Variants in SYCP3 observed in about 807,000 individuals in gnomAD.
SYCP3 encodes the protein synaptonemal complex protein 3.
SYCP3 carries 29 observed loss-of-function variants against 38.5 expected under a neutral mutation model. The ratio of observed to expected loss-of-function variants is 0.75; its 90% CI spans 0.56 to 1.03. The LOEUF is 1.03. Among genes scored for constraint, SYCP3 ranks in the 50% least tolerant of loss-of-function variants. The probability of loss-of-function intolerance (pLI) is 0.00; values close to 1 mark genes in which losing one functional copy is unlikely to be tolerated. For missense variants in SYCP3, 242 were observed against 270.7 expected, an observed-to-expected ratio of 0.89 and a Z score of 0.74; for synonymous variants, 79 against 80.3, an observed-to-expected ratio of 0.98 and a Z score of 0.08.
chr12:101,737,928 G>C lies in SYCP3; in HGVS notation c.8C>G (p.Ser3Cys). ...TTTCCTGGAATACTTTTTTCCGGAG[G>C]ACACCATATTTAGATGCTTCCTGAC... MV[S>C]SGKKYSRKSG... Residue 3 changes from serine (S) to cysteine (C), a missense_variant, in exon 2 of 9, where the codon TCC (serine) becomes TGC (cysteine). Coordinates refer to ENST00000392924, the MANE Select transcript of SYCP3 (RefSeq NM_001177949.2). The C allele has an allele frequency of 6.2e-7, 1 of 1,614,050 alleles. No individual in the cohort carries two copies. Among genetic ancestry groups the C allele is most frequent in the Non-Finnish European group, 8.5e-7 (1 of 1,179,988 alleles).
At chr12:101,730,602 T>C in intron 7 of SYCP3, 1 of 340,052 alleles carries the variant, frequency 2.9e-6, no homozygotes, top group Non-Finnish European at 5.6e-6. Flanking sequence ...CAAGTGATCC[T>C]CCCACCTCAG....
At chr12:101,737,740 T>A in intron 2 of SYCP3, 63 bp downstream of exon 2, 2 of 1,609,906 alleles carry the variant, frequency 1.2e-6, no homozygotes, top group Non-Finnish European at 1.7e-6. Flanking sequence ...TGTACGATAG[T>A]CTCAATGGGT....
intron 7 of SYCP3, chr12:101,730,638 TGAG>T: frequency 2.2e-5 from 7 of 313,316 alleles, no homozygotes; most frequent in Non-Finnish European, 3.7e-5. Context: ...GGACTACAGG[TGAG>T]TGCCACCATG....
At chr12:101,733,352 A>T (rs1429786462) in intron 6 of SYCP3, 2 of 506,178 alleles carry the variant, frequency 4.0e-6, no homozygotes, top group Non-Finnish European at 7.1e-6. Flanking sequence ...GTACTTTGAC[A>T]AATTTCTGTC....
intron 2 of SYCP3, 108 bp from the exon 3 acceptor site, chr12:101,737,406 A>G: frequency 1.9e-6 from 2 of 1,060,992 alleles, no homozygotes; most frequent in Non-Finnish European, 2.8e-6. Flanking sequence ...GCTTTTTGCC[A>G]ACATACAGTT....
chr12:101,732,022 C>T (rs1471704505), intron 6 of SYCP3: 1 of 212,630 alleles, frequency 4.7e-6, no homozygotes, highest in Non-Finnish European at 9.4e-6. Flanking sequence ...CTTACATACT[C>T]CCACCCTAGA....
At chr12:101,737,187 T>G in intron 3 of SYCP3, 45 bp downstream of exon 3, 1 of 1,606,596 alleles carries the variant, frequency 6.2e-7, no homozygotes. Context: ...CAACTTTTCT[T>G]GAAGTGCTTT....
At chr12:101,732,087 T>C (rs1952213929) in intron 6 of SYCP3, 1 of 160,582 alleles carries the variant, frequency 6.2e-6, no homozygotes, top group African/African-American at 2.4e-5. Flanking sequence ...TGGTAAACTT[T>C]CTAAGAGATA....
rs566435135 is a variant in SYCP3 at position 101,737,891 on chromosome 12, C to T, written c.45G>A (p.Pro15=). 4 of 1,614,022 alleles carry T rather than the reference C, an allele frequency of 2.5e-6. No homozygotes were observed. Among genetic ancestry groups the T allele is most frequent in the East Asian group, 4.5e-5 (2 of 44,890 alleles). ...CTCTCGTAAACTGATCTTCCACAGA[C>T]GGCTTCCCAGATTTCCTGGAATACT... ...GKKYSRKSGK[P]SVEDQFTRAY... Residue 15 remains proline (P), a synonymous_variant, in exon 2 of 9, where the codon CCG becomes CCA. Coordinates refer to ENST00000392924, the MANE Select transcript of SYCP3 (RefSeq NM_001177949.2).
intron 4 of SYCP3, among the ~76,000 whole-genome samples, chr12:101,736,806 C>A (rs1952465312): frequency 6.6e-6 from 1 of 151,388 alleles, no homozygotes; most frequent in Non-Finnish European, 1.5e-5. Flanking sequence ...TTCTAAAATT[C>A]CATAGTCCAT....
At chr12:101,735,871 A>ATTTTTTTTTTTTTTT (rs201568592) in intron 4 of SYCP3, among the ~76,000 whole-genome samples, 18 of 74,636 alleles carry the variant, frequency 2.4e-4, no homozygotes, top group East Asian at 3.8e-4. Context: ...ATATATATAT[A>ATTTTTTTTTTTTTTT]TTTTTTTTTT....
At chr12:101,735,871 A>ATATATATATATAGATATATATATAT in intron 4 of SYCP3, among the ~76,000 whole-genome samples, 1 of 74,790 alleles carries the variant, frequency 1.3e-5, no homozygotes, top group Non-Finnish European at 2.5e-5. Flanking sequence ...ATATATATAT[A>ATATATATATATAGATATATATATAT]TTTTTTTTTT....
At position 101,737,915 on chromosome 12, in the gene SYCP3, C is replaced by T. The variant is rs1162761812; in HGVS notation, c.21G>A (p.Lys7=). 4 of 1,614,114 alleles carry T rather than the reference C, an allele frequency of 2.5e-6. No individual in the cohort carries two copies. The highest frequency in any genetic ancestry group is 3.4e-6 in the Non-Finnish European group (4 of 1,180,004). MVSSGK[K]YSRKSGKPSV... ...ACGGCTTCCCAGATTTCCTGGAATA[C>T]TTTTTTCCGGAGGACACCATATTTA... The change falls in exon 2 of 9, where the codon AAG becomes AAA. Residue 7 remains lysine, a synonymous_variant. Coordinates refer to ENST00000392924, the MANE Select transcript of SYCP3 (RefSeq NM_001177949.2).
At position 101,737,950 on chromosome 12, in the gene SYCP3, T is replaced by C; in HGVS notation, c.-15A>G. 6.2e-7 allele frequency: 1 copy of C among 1,614,102 alleles called. No homozygotes were observed. The highest frequency in any genetic ancestry group is 2.2e-5 in the East Asian group (1 of 44,878). ...GAGGACACCATATTTAGATGCTTCC[T>C]GACTTTAAAAAACAAATTTCTTTAA... On this transcript the variant is annotated splice_region_variant and 5_prime_UTR_variant, in exon 2 of 9. Transcript: ENST00000392924.
rs568504900 is a variant in SYCP3 at position 101,729,827 on chromosome 12, T to C, written c.553-614A>G. Among the ~76,000 whole-genome samples the C allele has an allele frequency of 3.9e-5, 6 of 152,296 alleles. No homozygotes were observed. In the South Asian group the frequency reaches 1.0e-3, roughly 26 times the overall value. On this transcript the variant is annotated intron_variant, in intron 7 of 8. Coordinates refer to ENST00000392924, the MANE Select transcript of SYCP3 (RefSeq NM_001177949.2). ...ATGGAAGCACAACTTGCTGTGGTGATATAGTGGAAAATGGGGATTAATTCC... is the reference window on the plus strand; with the variant it reads ...ATGGAAGCACAACTTGCTGTGGTGACATAGTGGAAAATGGGGATTAATTCC...
Position 101,728,818 on chromosome 12 carries a change from G to A in SYCP3, c.*109C>T, listed in dbSNP as rs1594156057. ...AGGTCTTACAATGAAACAGGTTTAT[G>A]ATTAAAGATGTTACAATTAAACTAT... On this transcript the variant is annotated 3_prime_UTR_variant, in exon 9 of 9. Transcript: ENST00000392924. 6.6e-7 allele frequency: 1 copy of A among 1,509,706 alleles called. No individual in the cohort carries two copies. Among genetic ancestry groups the A allele is most frequent in the East Asian group, 2.3e-5 (1 of 43,812 alleles). The allele number at this position is 1,509,706 out of a possible 1,614,324, so 93.5% of individuals were successfully genotyped here. A position where few individuals can be genotyped will look rare whatever the true frequency, so the allele number is the denominator to read the frequency against.
chr12:101,738,088 G>A, intron 1 of SYCP3, 136 bp from the exon 2 acceptor site: 2 of 1,016,096 alleles, frequency 2.0e-6, no homozygotes, highest in East Asian at 2.4e-5. Flanking sequence ...ATTTATTTGG[G>A]GGGCCAAAAG....
rs1566058094 is a variant in SYCP3, at chr12:101,737,857, A to C, written c.79T>G (p.Phe27Val). The change falls in exon 2 of 9, where the codon TTT becomes GTT. Residue 27 changes from phenylalanine to valine, a missense_variant. Phe to Val is a conservative substitution (Grantham distance 50). Coordinates refer to ENST00000392924, the MANE Select transcript of SYCP3 (RefSeq NM_001177949.2). ...VEDQFTRAYD[F>V]ETEDKKDLSG... ...AGATCTTTCTTATCTTCAGTCTCAA[A>C]GTCATAGGCTCTCGTAAACTGATCT... 6.2e-7 allele frequency: 1 copy of C among 1,614,228 alleles called. No individual in the cohort carries two copies. Among genetic ancestry groups the C allele is most frequent in the Admixed American group, 1.7e-5 (1 of 60,032 alleles).
intron 1 of SYCP3, among the ~76,000 whole-genome samples, chr12:101,738,199 A>G (rs1952537341): frequency 6.6e-6 from 1 of 152,078 alleles, no homozygotes; most frequent in South Asian, 2.1e-4. Context: ...TGAGGCAGGC[A>G]GATCACCTGA....
Sources: gnomAD v4.1 joint callset for allele counts (sites outside exome capture counted in the v4.1 genomes callset) on GRCh38, gnomAD v4.1.1 for gene constraint, MANE v1.5 for transcripts, NCBI Gene and HGNC (gene_info 2026-07-23, HGNC 2026-07-21) for gene names.